The following GPR158 variants were observed in gnomAD, a reference collection of about 807,000 sequenced individuals.
GPR158 encodes the protein metabotropic glycine receptor.
In GPR158, 30 loss-of-function variants were observed where a neutral mutation model predicts 78.2. The observed-to-expected ratio is 0.38, with a 90% CI of 0.29 to 0.52. GPR158 has a LOEUF of 0.52. GPR158 is among the 20% of genes least tolerant of loss of function. GPR158 has a pLI of 0.83. For missense variants in GPR158, 1,463 were observed against 1,523.5 expected, an observed-to-expected ratio of 0.96 and a Z score of 0.66; for synonymous variants, 581 against 591.1, an observed-to-expected ratio of 0.98 and a Z score of 0.25.
At chr10:25,210,416 T>G (rs905737406) in intron 1 of GPR158, among the ~76,000 whole-genome samples, 1 of 152,146 alleles carries the variant, frequency 6.6e-6, no homozygotes, top group African/African-American at 2.4e-5. Flanking sequence ...TAGGGAGGGG[T>G]AAACTCAATT....
chr10:25,365,835 C>G (rs780822916), intron 2 of GPR158, among the ~76,000 whole-genome samples: 1 of 151,556 alleles, frequency 6.6e-6, no homozygotes, highest in Non-Finnish European at 1.5e-5. Context: ...CGAGAGAAAA[C>G]ATTCCAAAAC....
intron 5 of GPR158, among the ~76,000 whole-genome samples, chr10:25,547,583 C>A (rs1836679217): frequency 6.6e-6 from 1 of 152,162 alleles, no homozygotes; most frequent in African/African-American, 2.4e-5. Flanking sequence ...CCAGTAATTT[C>A]CCTTTCCTCT....
At chr10:25,467,121 A>G (rs1835436064) in intron 5 of GPR158, among the ~76,000 whole-genome samples, 1 of 152,198 alleles carries the variant, frequency 6.6e-6, no homozygotes, top group East Asian at 1.9e-4. Context: ...GGTTTGGTCC[A>G]GAAAGGCAGG....
intron 5 of GPR158, among the ~76,000 whole-genome samples, chr10:25,512,727 G>GTTTTTTTTTTTTTTTTTTTTTTTTT (rs1564475623): frequency 2.7e-5 from 4 of 147,084 alleles, no homozygotes; most frequent in African/African-American, 1.1e-4. Flanking sequence ...TTTGCTGAGA[G>GTTTTTTTTTTTTTTTTTTTTTTTTT]TTTTAATCAT....
At chr10:25,372,211 G>A (rs915113354) in intron 2 of GPR158, among the ~76,000 whole-genome samples, 4 of 151,872 alleles carry the variant, frequency 2.6e-5, no homozygotes, top group South Asian at 2.1e-4. Context: ...GGAAACAACA[G>A]GTGCTGGAGA....
chr10:25,543,894 C>A (rs946642074), intron 5 of GPR158, among the ~76,000 whole-genome samples: 4 of 152,170 alleles, frequency 2.6e-5, no homozygotes, highest in Admixed American at 2.6e-4. Flanking sequence ...GTCCTTCAAA[C>A]ACACACCGAG....
intron 5 of GPR158, among the ~76,000 whole-genome samples, chr10:25,471,398 T>C (rs1835499633): frequency 6.6e-6 from 1 of 152,326 alleles, no homozygotes; most frequent in African/African-American, 2.4e-5. Context: ...TTTGCTATTG[T>C]GAATAGTGCC....
intron 2 of GPR158, among the ~76,000 whole-genome samples, chr10:25,319,914 A>G (rs1388491794): frequency 6.7e-6 from 1 of 149,752 alleles, no homozygotes; most frequent in African/African-American, 2.5e-5. Context: ...CCCTTGCCTC[A>G]TTGTGATGGA....
chr10:25,342,698 A>G (rs996364800), intron 2 of GPR158, among the ~76,000 whole-genome samples: 8 of 151,824 alleles, frequency 5.3e-5, no homozygotes, highest in African/African-American at 1.9e-4. Flanking sequence ...CTGATGGTAT[A>G]TAGGAACAGA....
intron 2 of GPR158, among the ~76,000 whole-genome samples, chr10:25,270,582 C>T (rs1854105225): frequency 6.6e-6 from 1 of 152,274 alleles, no homozygotes; most frequent in Admixed American, 6.5e-5. Flanking sequence ...TGCCACTCTG[C>T]TCCAACCGAG....
In GPR158 at chr10:25,412,295, CAGA is replaced by C. The variant is rs1190360647; in HGVS notation, c.1163_1165del (p.Glu388del). The C allele has an allele frequency of 1.9e-6, 3 of 1,613,976 alleles. No individual in the cohort carries two copies. The African/African-American group carries it at 4.0e-5, about 22-fold the overall frequency. On this transcript the variant is annotated inframe_deletion, in exon 4 of 11. Transcript: ENST00000376351. ...ATTTCAGGAAGTACAAAAGATGTGTCAGAAGAAGCCTATGTCTGCCTACCTTGC... is the reference window on the plus strand; with the variant it reads ...ATTTCAGGAAGTACAAAAGATGTGTCAGAAGCCTATGTCTGCCTACCTTGC...
At chr10:25,222,430 C>T (rs138507116) in intron 2 of GPR158, among the ~76,000 whole-genome samples, 1 of 151,766 alleles carries the variant, frequency 6.6e-6, no homozygotes, top group Non-Finnish European at 1.5e-5. Context: ...ACAGCCCCCC[C>T]ATTCCCTCAC....
chr10:25,578,651 CAG>C (rs1837139953), intron 7 of GPR158, among the ~76,000 whole-genome samples: 1 of 152,050 alleles, frequency 6.6e-6, no homozygotes, highest in East Asian at 1.9e-4. Flanking sequence ...AATATTGAAA[CAG>C]AATAAAATAG....
intron 2 of GPR158, among the ~76,000 whole-genome samples, chr10:25,264,969 T>C (rs1436559586): frequency 3.3e-5 from 5 of 152,220 alleles, no homozygotes. Context: ...TTTCCTTGCT[T>C]TGGGCTATGT....
intron 6 of GPR158, among the ~76,000 whole-genome samples, chr10:25,572,109 T>G (rs534713178): frequency 6.6e-6 from 1 of 152,316 alleles, no homozygotes; most frequent in African/African-American, 2.4e-5. Context: ...GACTATTTTT[T>G]GATCCCCCAG....
In GPR158 at chr10:25,179,386, GA is replaced by G. The variant is rs540053245; in HGVS notation, c.902+3071del. Among the ~76,000 whole-genome samples the G allele has an allele frequency of 4.4e-3, 671 of 152,038 alleles. 3 individuals are homozygous for G. Among genetic ancestry groups the G allele is most frequent in the South Asian group, 0.017 (82 of 4,818 alleles). ...GGTTTACTTGTGAAGGAGAAAAGGA[GA>G]AAAAAACTTTTAGTTAAGATTAGTT... On this transcript the variant is annotated intron_variant, in intron 1 of 10. Coordinates refer to ENST00000376351, the MANE Select transcript of GPR158 (RefSeq NM_020752.3).
chr10:25,326,695 A>G (rs925641844), intron 2 of GPR158, among the ~76,000 whole-genome samples: 1 of 152,218 alleles, frequency 6.6e-6, no homozygotes, highest in Non-Finnish European at 1.5e-5. Flanking sequence ...CATGGTGACT[A>G]TAGTTAATAA....
intron 5 of GPR158, chr10:25,476,009 A>G (rs758450121): frequency 6.6e-6 from 1 of 152,276 alleles, no homozygotes; most frequent in South Asian, 2.1e-4. Flanking sequence ...AACAATGCTT[A>G]TATTGGAAAG....
chr10:25,431,658 A>T lies in GPR158; in HGVS notation c.1335+19185A>T, dbSNP rs558800939. 6.0e-3 allele frequency among the ~76,000 whole-genome samples: 883 copies of T among 148,314 alleles called. 10 individuals are homozygous for T. The highest frequency in any genetic ancestry group is 0.02 in the African/African-American group (811 of 40,140). Reference sequence around the variant, plus strand: ...GATTAAGAAAATGTGGCACATATACACCATGGAATACTATGCAGCCATAAA... The same window carrying T: ...GATTAAGAAAATGTGGCACATATACTCCATGGAATACTATGCAGCCATAAA... On this transcript the variant is annotated intron_variant, in intron 4 of 10. Coordinates refer to ENST00000376351, the MANE Select transcript of GPR158 (RefSeq NM_020752.3).
Sources: gnomAD v4.1 joint callset for allele counts (sites outside exome capture counted in the v4.1 genomes callset) on GRCh38, gnomAD v4.1.1 for gene constraint, MANE v1.5 for transcripts, NCBI Gene and HGNC (gene_info 2026-07-23, HGNC 2026-07-21) for gene names.